KLHDC4: variants seen among roughly 807,000 people sequenced by gnomAD.
KLHDC4 encodes the protein kelch domain-containing protein 4.
Under a neutral mutation model 62.4 loss-of-function variants are expected in KLHDC4, and 90 were observed. That is an observed-to-expected ratio of 1.44 (90% CI 1.22 to 1.72). The LOEUF is 1.72. KLHDC4 is among the 40% of genes most tolerant of loss of function. The pLI is 0.00. For synonymous variants in KLHDC4, 386 were observed against 284.4 expected, an observed-to-expected ratio of 1.36 and a Z score of -3.59; for missense variants, 1,025 against 699.7, an observed-to-expected ratio of 1.47 and a Z score of -5.25.
chr16:87,722,345 T>G (rs1370410283), intron 7 of KLHDC4, among the ~76,000 whole-genome samples: 1 of 152,122 alleles, frequency 6.6e-6, no homozygotes, highest in Non-Finnish European at 1.5e-5. Flanking sequence ...TGGGACGGGA[T>G]CTGGTTACAG....
chr16:87,751,103 C>T (rs2043856657), intron 4 of KLHDC4, among the ~76,000 whole-genome samples: 1 of 152,210 alleles, frequency 6.6e-6, no homozygotes, highest in Non-Finnish European at 1.5e-5. Context: ...AATAATCCTA[C>T]AATAATACAT....
At chr16:87,701,088 G>C (rs574115719) in exon 1 of KLHDC4, 1 of 186,962 alleles carries the variant, frequency 5.3e-6, no homozygotes, top group Non-Finnish European at 1.1e-5. Flanking sequence ...AAGCCAGGCT[G>C]TATTTTCACC....
intron 5 of KLHDC4, chr16:87,731,046 CTTTTTTTTTTTTTT>C (rs774096264): frequency 6.1e-3 from 438 of 72,044 alleles, no homozygotes; most frequent in African/African-American, 0.016. Context: ...ATACAGAATT[CTTTTTTTTTTTTTT>C]TTTTTTTTTT....
chr16:87,745,093 A>G (rs2042845334), intron 5 of KLHDC4, among the ~76,000 whole-genome samples: 1 of 152,236 alleles, frequency 6.6e-6, no homozygotes. Context: ...GCATTTCTTT[A>G]GGGTATAATC....
chr16:87,721,414 TAAAA>T (rs1176744434), intron 7 of KLHDC4, among the ~76,000 whole-genome samples: 4 of 78,902 alleles, frequency 5.1e-5, no homozygotes, highest in East Asian at 3.4e-4. Context: ...ACTCTGTCTC[TAAAA>T]AAAAAAAAAA....
rs1009322598 is a variant in KLHDC4, at chr16:87,714,168, G to A, written c.835+330C>T. 8.5e-5 allele frequency among the ~76,000 whole-genome samples: 13 copies of A among 152,166 alleles called. 1 individual carries two copies. The highest frequency in any genetic ancestry group is 4.1e-4 in the South Asian group (2 of 4,824). ...CAAGGCCCAGGATGGTTCTCCCTTC[G>A]AGAGCTCAAGACCCTTGGAGGGGCC... On this transcript the variant is annotated intron_variant, in intron 8 of 11. Coordinates refer to ENST00000270583, the MANE Select transcript of KLHDC4 (RefSeq NM_017566.4).
downstream of KLHDC4, among the ~76,000 whole-genome samples, chr16:87,705,812 C>T (rs895353871): frequency 3.2e-4 from 49 of 152,180 alleles, no homozygotes; most frequent in African/African-American, 4.8e-4. Flanking sequence ...GGGGCGGGGG[C>T]GCTGCTGCCT....
chr16:87,716,880 C>T (rs1455830966), intron 7 of KLHDC4, among the ~76,000 whole-genome samples: 2 of 152,170 alleles, frequency 1.3e-5, no homozygotes, highest in East Asian at 1.9e-4. Flanking sequence ...TGCAGTGAGC[C>T]GAGATCTCGC....
intron 5 of KLHDC4, among the ~76,000 whole-genome samples, chr16:87,734,347 A>G (rs79148882): frequency 6.7e-6 from 1 of 149,504 alleles, no homozygotes; most frequent in South Asian, 2.1e-4. Context: ...CCGTCTCAAG[A>G]AAAAAAAAAC....
At chr16:87,702,169 A>G (rs1048128674) in exon 1 of KLHDC4, 3 of 456,064 alleles carry the variant, frequency 6.6e-6, no homozygotes, top group East Asian at 7.0e-5. Context: ...TATGGGTTCA[A>G]CGTTGACCAC....
chr16:87,699,845 T>TG (rs1296318885), exon 1 of KLHDC4: 4 of 152,262 alleles, frequency 2.6e-5, no homozygotes, highest in African/African-American at 9.7e-5. Flanking sequence ...TTTTCACTTG[T>TG]AGAAGCACAT....
In KLHDC4 at chr16:87,765,727, C is replaced by G. The variant is rs2046564366; in HGVS notation, c.99+65G>C. 4 of 1,452,354 alleles carry G rather than the reference C, an allele frequency of 2.8e-6. No homozygotes were observed. In the South Asian group the frequency reaches 3.8e-5, roughly 14 times the overall value. The allele number at this position is 1,452,354 out of a possible 1,614,324, so 90.0% of individuals were successfully genotyped here. A position where few individuals can be genotyped will look rare whatever the true frequency, so the allele number is the denominator to read the frequency against. ...GGCCGACCCGTAACCCCGGGGGGCGCAGGGAGTCGGCCGAGGCTGCACGGC... is the reference window on the plus strand; with the variant it reads ...GGCCGACCCGTAACCCCGGGGGGCGGAGGGAGTCGGCCGAGGCTGCACGGC... On this transcript the variant is annotated intron_variant, in intron 1 of 11. Transcript: ENST00000270583.
At chr16:87,733,327 G>C (rs984982506) in intron 5 of KLHDC4, among the ~76,000 whole-genome samples, 2 of 152,238 alleles carry the variant, frequency 1.3e-5, no homozygotes, top group African/African-American at 4.8e-5. Flanking sequence ...GACAGGGGTG[G>C]TGAGGAGGCG....
chr16:87,716,723 G>A (rs1343555614), intron 7 of KLHDC4, among the ~76,000 whole-genome samples: 2 of 152,130 alleles, frequency 1.3e-5, no homozygotes, highest in African/African-American at 4.8e-5. Context: ...GAGGTCAGGA[G>A]ATCAAGACTA....
intron 7 of KLHDC4, among the ~76,000 whole-genome samples, chr16:87,720,381 C>A (rs1035827652): frequency 6.6e-6 from 1 of 152,202 alleles, no homozygotes; most frequent in African/African-American, 2.4e-5. Flanking sequence ...CCTTCCCACA[C>A]CACTGAGACT....
At chr16:87,738,450 A>G (rs1297103972) in intron 5 of KLHDC4, among the ~76,000 whole-genome samples, 3 of 152,258 alleles carry the variant, frequency 2.0e-5, no homozygotes, top group Middle Eastern at 3.4e-3. Flanking sequence ...AGATGTATGC[A>G]CTGTCCGTGA....
At chr16:87,753,807 GAAA>G (rs34945685) in intron 4 of KLHDC4, among the ~76,000 whole-genome samples, 2 of 128,712 alleles carry the variant, frequency 1.6e-5, no homozygotes, top group South Asian at 2.4e-4. Context: ...ATCTCAAGGA[GAAA>G]AAAAAAAAAA....
intron 7 of KLHDC4, among the ~76,000 whole-genome samples, chr16:87,716,734 A>C (rs2037072993): frequency 6.6e-6 from 1 of 152,068 alleles, no homozygotes; most frequent in Non-Finnish European, 1.5e-5. Context: ...ATCAAGACTA[A>C]TCCTGGCTAA....
chr16:87,765,155 C>A (rs2046448230), intron 1 of KLHDC4: 1 of 455,962 alleles, frequency 2.2e-6, no homozygotes, highest in African/African-American at 2.0e-5. Flanking sequence ...TGAGCAGCAG[C>A]CGCAGAACAC....
Sources: gnomAD v4.1 joint callset for allele counts (sites outside exome capture counted in the v4.1 genomes callset) on GRCh38, gnomAD v4.1.1 for gene constraint, MANE v1.5 for transcripts, NCBI Gene and HGNC (gene_info 2026-07-23, HGNC 2026-07-21) for gene names.